Variants in FRMPD3 observed in about 807,000 individuals in gnomAD.
The protein encoded by FRMPD3 is FERM and PDZ domain-containing protein 3.
A neutral mutation model predicts 97.9 loss-of-function variants in FRMPD3; 42 were observed. The observed-to-expected ratio is 0.43, with a 90% CI of 0.34 to 0.55. FRMPD3 has a LOEUF of 0.55. FRMPD3 is among the 20% of genes least tolerant of loss of function. FRMPD3 has a pLI of 0.03. For synonymous variants in FRMPD3, 577 were observed against 581.1 expected (o/e 0.99, Z 0.10); for missense variants, 1,303 against 1,457.7 (o/e 0.89, Z 1.73).
At chrX:107,527,043 A>G (rs1922722906) in intron 2 of FRMPD3, among the ~76,000 whole-genome samples, 2 of 111,962 alleles carry the variant, frequency 1.8e-5, no homozygotes, top group Non-Finnish European at 3.8e-5. Context: ...CTTGCAAAAA[A>G]AAAATGTACC....
intron 1 of FRMPD3, among the ~76,000 whole-genome samples, chrX:107,477,750 G>GC (rs1416035190): frequency 1.8e-5 from 2 of 112,156 alleles, no homozygotes; most frequent in African/African-American, 6.5e-5. Context: ...CCTGGGGGTT[G>GC]CCCCCTGGAG....
intron 4 of FRMPD3, among the ~76,000 whole-genome samples, chrX:107,534,587 A>C (rs1017635316): frequency 9.0e-6 from 1 of 110,910 alleles, no homozygotes; most frequent in Admixed American, 9.6e-5. Context: ...GCAAGATTCA[A>C]ATCAATCTTG....
chrX:107,595,754 T>A (rs2147644441), intron 13 of FRMPD3, among the ~76,000 whole-genome samples: 1 of 109,499 alleles, frequency 9.1e-6, no homozygotes, highest in East Asian at 2.9e-4. Context: ...CTGGCCAACA[T>A]GGTGAAACCC....
chrX:107,569,607 G>A (rs1922783888), intron 12 of FRMPD3, among the ~76,000 whole-genome samples: 1 of 110,918 alleles, frequency 9.0e-6, no homozygotes, highest in Non-Finnish European at 1.9e-5. Context: ...GAGCCAGCTG[G>A]GCACATCTCT....
intron 1 of FRMPD3, among the ~76,000 whole-genome samples, chrX:107,504,561 A>G (rs1921985140): frequency 2.7e-5 from 3 of 112,276 alleles, no homozygotes; most frequent in African/African-American, 9.7e-5. Context: ...CTATGTTTGC[A>G]TAGCAAGCAT....
chrX:107,575,905 C>G (rs1447430984), intron 12 of FRMPD3, among the ~76,000 whole-genome samples: 1 of 111,529 alleles, frequency 9.0e-6, no homozygotes, highest in Non-Finnish European at 1.9e-5. Context: ...CTCTTGCACC[C>G]AAGGGACTTA....
intron 13 of FRMPD3, among the ~76,000 whole-genome samples, chrX:107,591,157 C>G (rs913044324): frequency 9.2e-6 from 1 of 108,333 alleles, no homozygotes. Context: ...TTCTTTCTTT[C>G]TTTCTTTTTT....
intron 4 of FRMPD3, among the ~76,000 whole-genome samples, chrX:107,534,878 A>T (rs1195365340): frequency 8.9e-6 from 1 of 112,183 alleles, no homozygotes; most frequent in African/African-American, 3.2e-5. Context: ...ATGTACACAC[A>T]ATGGTCCCAG....
chrX:107,480,895 GGAAAGAAAGAAAGAAAGAAA>G lies in FRMPD3; in HGVS notation c.-8+30939_-8+30958del, dbSNP rs59050601. On this transcript the variant is annotated intron_variant, in intron 1 of 14. Coordinates refer to ENST00000683843, the MANE Select transcript of FRMPD3 (RefSeq NM_001388459.1). ...AGGAAGGAAGGAAGGAAGGAAGGAA[GGAAAGAAAGAAAGAAAGAAA>G]GAAAGAAAGAAAGAAAGAAAGAAAG... Among the ~76,000 whole-genome samples the G allele has an allele frequency of 3.7e-3, 224 of 60,597 alleles. 1 individual carries two copies. Among genetic ancestry groups the G allele is most frequent in the African/African-American group, 0.011 (197 of 17,409 alleles). The allele number at this position is 60,597 out of a possible 115,157, so 52.6% of individuals were successfully genotyped here.
At chrX:107,479,397 C>T (rs776070469) in intron 1 of FRMPD3, among the ~76,000 whole-genome samples, 6 of 112,233 alleles carry the variant, frequency 5.3e-5, no homozygotes, top group African/African-American at 1.6e-4. Context: ...TAATGCCTCA[C>T]GTTTACATAG....
At position 107,514,560 on chromosome X, in the gene FRMPD3, C is replaced by T. The variant is rs189699066; in HGVS notation, c.-7-12022C>T. On this transcript the variant is annotated intron_variant, in intron 1 of 14. Transcript: ENST00000683843. Reference sequence around the variant, plus strand: ...TTTTTTTTTTTGACAGAATCTTGCTCTGTCACCCAGGCTGGAGTGCAGTGG... The same window carrying T: ...TTTTTTTTTTTGACAGAATCTTGCTTTGTCACCCAGGCTGGAGTGCAGTGG... Among the ~76,000 whole-genome samples, 813 of 101,424 alleles carry T rather than the reference C, an allele frequency of 8.0e-3. 7 individuals are homozygous for T. Among genetic ancestry groups the T allele is most frequent in the African/African-American group, 0.028 (777 of 27,306 alleles). 88.1% of individuals were successfully genotyped at this position (101,424 alleles called of 115,157 possible). A position where few individuals can be genotyped will look rare whatever the true frequency, so the allele number is the denominator to read the frequency against.
chrX:107,548,061 C>A (rs995486184), intron 5 of FRMPD3, among the ~76,000 whole-genome samples: 1 of 111,475 alleles, frequency 9.0e-6, no homozygotes, highest in Non-Finnish European at 1.9e-5. Flanking sequence ...ATACCCCAAC[C>A]CAGGAGGATT....
chrX:107,545,517 C>T (rs750063664), intron 4 of FRMPD3: 51 of 358,414 alleles, frequency 1.4e-4, no homozygotes, highest in Middle Eastern at 9.5e-4. Context: ...GTTCAATCTA[C>T]CCAAATTCAA....
At chrX:107,514,238 T>A (rs1386506489) in intron 1 of FRMPD3, among the ~76,000 whole-genome samples, 1 of 111,351 alleles carries the variant, frequency 9.0e-6, no homozygotes, top group Non-Finnish European at 1.9e-5. Flanking sequence ...CAGAAAGAGA[T>A]CACGCAGGGC....
Position 107,487,740 on chromosome X carries a change from A to C in FRMPD3, c.-8+37735A>C, listed in dbSNP as rs902905651. 1.8e-5 allele frequency among the ~76,000 whole-genome samples: 2 copies of C among 111,889 alleles called. 1 individual carries two copies. The highest frequency in any genetic ancestry group is 7.6e-4 in the South Asian group (2 of 2,645). Reference sequence around the variant, plus strand: ...CCCTGGGGGCATCCCCAGGTTTTAAATGCTTCCTGAGGTGATTCTAATGTG... The same window carrying C: ...CCCTGGGGGCATCCCCAGGTTTTAACTGCTTCCTGAGGTGATTCTAATGTG... On this transcript the variant is annotated intron_variant, in intron 1 of 14. Coordinates refer to ENST00000683843, the MANE Select transcript of FRMPD3 (RefSeq NM_001388459.1).
At chrX:107,553,073 C>T in intron 7 of FRMPD3, 147 bp downstream of exon 7, 12 of 601,559 alleles carry the variant, frequency 2.0e-5, no homozygotes, top group Non-Finnish European at 3.0e-5. Flanking sequence ...TTATCCACCT[C>T]CAGAGGGCTT....
At chrX:107,524,329 C>T (rs1327585583) in intron 1 of FRMPD3, among the ~76,000 whole-genome samples, 2 of 112,394 alleles carry the variant, frequency 1.8e-5, no homozygotes, top group South Asian at 3.7e-4. Context: ...ATTCCAGCTT[C>T]GGAGTGACTT....
chrX:107,449,853 C>G lies in FRMPD3; in HGVS notation c.-160C>G, dbSNP rs1171888842. Among the ~76,000 whole-genome samples, 1 of 108,582 alleles carries G rather than the reference C, an allele frequency of 9.2e-6. No individual in the cohort carries two copies. The highest frequency in any genetic ancestry group is 1.9e-5 in the Non-Finnish European group (1 of 51,739). 94.3% of individuals were successfully genotyped at this position (108,582 alleles called of 115,157 possible). On this transcript the variant is annotated 5_prime_UTR_variant, in exon 1 of 15. Transcript: ENST00000683843. ...GCCCCGCCGCCCGGCGCCACTGAGC[C>G]CCAAGCCCATGCCGGGCTCGGGGGC... is the stretch of plus-strand genomic sequence containing the variant.
intron 13 of FRMPD3, among the ~76,000 whole-genome samples, chrX:107,590,201 T>A (rs751788492): frequency 8.9e-6 from 1 of 112,496 alleles, no homozygotes; most frequent in South Asian, 3.7e-4. Context: ...ATTGAGCTTG[T>A]ATCCTGCAAG....
Sources: gnomAD v4.1 joint callset for allele counts (sites outside exome capture counted in the v4.1 genomes callset) on GRCh38, gnomAD v4.1.1 for gene constraint, MANE v1.5 for transcripts, NCBI Gene and HGNC (gene_info 2026-07-23, HGNC 2026-07-21) for gene names.